The following RUVBL1 variants were observed in gnomAD, a reference collection of about 807,000 sequenced individuals.
RUVBL1 encodes the protein ruvB-like 1.
Under a neutral mutation model 52.4 loss-of-function variants are expected in RUVBL1, and 4 were observed. That is an observed-to-expected ratio of 0.08 (90% confidence interval 0.04 to 0.17). RUVBL1 has a LOEUF of 0.17. RUVBL1 is among the 10% of genes least tolerant of loss of function. The pLI is 1.00. For missense variants in RUVBL1, 298 were observed against 572.8 expected, an observed-to-expected ratio of 0.52 and a Z score of 4.90; for synonymous variants, 217 against 214.4, an observed-to-expected ratio of 1.01 and a Z score of -0.10.
chr3:128,112,807 G>T (rs886442084), intron 3 of RUVBL1, 81 bp downstream of exon 3: 4 of 1,470,244 alleles, frequency 2.7e-6, no homozygotes, highest in Non-Finnish European at 3.7e-6. Context: ...AGTCATAAAG[G>T]CATCTTCACC....
At chr3:128,094,798 G>T (rs532079418) in intron 8 of RUVBL1, among the ~76,000 whole-genome samples, 1 of 152,176 alleles carries the variant, frequency 6.6e-6, no homozygotes, top group African/African-American at 2.4e-5. Context: ...GTTCTGGGGG[G>T]TAAGGAAGCC....
Sources: gnomAD v4.1 joint callset for allele counts (sites outside exome capture counted in the v4.1 genomes callset) on GRCh38, gnomAD v4.1.1 for gene constraint, MANE v1.5 for transcripts, NCBI Gene and HGNC (gene_info 2026-07-23, HGNC 2026-07-21) for gene names.